ZNF76: variants seen among roughly 807,000 people sequenced by gnomAD.
ZNF76 encodes the protein zinc finger protein 76, also known as zinc finger protein 523.
Under a neutral mutation model 66.9 loss-of-function variants are expected in ZNF76, and 66 were observed. The observed-to-expected ratio is 0.99, with a 90% CI of 0.81 to 1.21. The LOEUF (loss-of-function observed/expected upper bound fraction) is 1.21. ZNF76 is among the 50% of genes most tolerant of loss of function. The probability of loss-of-function intolerance (pLI) is 0.00; values close to 1 mark genes in which losing one functional copy is unlikely to be tolerated. For synonymous variants in ZNF76, 275 were observed against 296.1 expected (o/e 0.93, Z 0.73); for missense variants, 729 against 760.3 (o/e 0.96, Z 0.48).
intron 1 of ZNF76, among the ~76,000 whole-genome samples, chr6:35,262,056 G>T (rs985543709): frequency 2.6e-5 from 4 of 152,148 alleles, no homozygotes; most frequent in East Asian, 1.9e-4. Flanking sequence ...AAGACCTAAA[G>T]AAATGATTAA....
chr6:35,282,597 G>A (rs1323872843), intron 2 of ZNF76, among the ~76,000 whole-genome samples: 1 of 152,110 alleles, frequency 6.6e-6, no homozygotes, highest in Non-Finnish European at 1.5e-5. Flanking sequence ...CTTGAACAAG[G>A]CAAATACTGC....
intron 2 of ZNF76, among the ~76,000 whole-genome samples, chr6:35,283,547 C>T (rs1789094747): frequency 6.6e-6 from 1 of 152,224 alleles, no homozygotes; most frequent in Non-Finnish European, 1.5e-5. Flanking sequence ...GGCGTATGGT[C>T]ACCTCTCTGT....
chr6:35,295,025 G>C (rs959676056), intron 13 of ZNF76, 119 bp from the exon 14 acceptor site: 8 of 690,104 alleles, frequency 1.2e-5, no homozygotes, highest in Non-Finnish European at 1.5e-5. Context: ...AGTGCTCAGC[G>C]TGTGGCACTG....
intron 1 of ZNF76, among the ~76,000 whole-genome samples, chr6:35,264,651 C>A (rs1308097116): frequency 6.6e-6 from 1 of 152,148 alleles, no homozygotes; most frequent in Non-Finnish European, 1.5e-5. Flanking sequence ...TTGGAAAACA[C>A]CTCAGAGCAA....
chr6:35,266,047 A>G (rs981821276), intron 1 of ZNF76, among the ~76,000 whole-genome samples: 4 of 152,202 alleles, frequency 2.6e-5, no homozygotes, highest in Admixed American at 2.6e-4. Context: ...AGGTGAAGCA[A>G]TGGAAAGGTG....
chr6:35,265,968 G>A (rs1001345674), intron 1 of ZNF76, among the ~76,000 whole-genome samples: 1 of 152,136 alleles, frequency 6.6e-6, no homozygotes, highest in Non-Finnish European at 1.5e-5. Context: ...GGGCAAAAAT[G>A]GAAGGAGAGA....
Position 35,287,730 on chromosome 6 carries a change from C to G in ZNF76, c.317C>G (p.Ser106Trp), listed in dbSNP as rs751726234. 3 of 1,614,170 alleles carry G rather than the reference C, an allele frequency of 1.9e-6. No individual in the cohort carries two copies. The highest frequency in any genetic ancestry group is 1.7e-6 in the Non-Finnish European group (2 of 1,180,030). Residue 106 changes from serine (S) to tryptophan (W), a missense_variant, in exon 5 of 14, where the codon TCG becomes TGG. By Grantham distance (177) the Ser-to-Trp change is radical (BLOSUM62 -3). Coordinates refer to ENST00000373953, the MANE Select transcript of ZNF76 (RefSeq NM_003427.5). The surrounding 1 kb of genome is among the most constrained non-coding windows in gnomAD (Gnocchi z 4.0). Reference sequence around the variant, plus strand: ...ATTCACCACCCTGTGGCTGTGCCATCGGAGAGCACCATCCTGGCCGTACAG... The same window carrying G: ...ATTCACCACCCTGTGGCTGTGCCATGGGAGAGCACCATCCTGGCCGTACAG... ...AYIHHPVAVPSESTILAVQTE... is the reference protein window; with the variant it reads ...AYIHHPVAVPWESTILAVQTE...
intron 13 of ZNF76, 134 bp downstream of exon 13, chr6:35,294,703 T>C: frequency 1.4e-6 from 1 of 722,486 alleles, no homozygotes; most frequent in Middle Eastern, 2.7e-4. Flanking sequence ...ACAGATCCCT[T>C]TCCTCCTGCA....
intron 1 of ZNF76, among the ~76,000 whole-genome samples, chr6:35,280,771 G>A (rs910827277): frequency 3.3e-5 from 5 of 152,198 alleles, no homozygotes; most frequent in African/African-American, 1.2e-4. Context: ...CCTGCCTTCA[G>A]CAGGGCTCCT....
chr6:35,278,970 C>T (rs1788338692), intron 1 of ZNF76, among the ~76,000 whole-genome samples: 1 of 152,152 alleles, frequency 6.6e-6, no homozygotes, highest in African/African-American at 2.4e-5. Flanking sequence ...GTGATGAGTA[C>T]TGAAGTAGGT....
chr6:35,267,014 T>C (rs1049194152), intron 1 of ZNF76, among the ~76,000 whole-genome samples: 7 of 151,942 alleles, frequency 4.6e-5, no homozygotes, highest in Non-Finnish European at 7.4e-5. Context: ...TTAACCAGGA[T>C]GGTCTCTATC....
intron 11 of ZNF76, 86 bp downstream of exon 11, chr6:35,293,130 G>T: frequency 6.8e-7 from 1 of 1,471,374 alleles, no homozygotes; most frequent in Non-Finnish European, 9.2e-7. Context: ...AGTTCTGACA[G>T]CCCCACTGCC....
At position 35,292,575 on chromosome 6, in the gene ZNF76, C is replaced by T. The variant is rs141883824; in HGVS notation, c.953C>T (p.Thr318Met). Residue 318 changes from threonine to methionine, a missense_variant, in exon 10 of 14, where the codon ACG (threonine) becomes ATG (methionine). Thr to Met is a moderately conservative substitution (Grantham distance 81). Coordinates refer to ENST00000373953, the MANE Select transcript of ZNF76 (RefSeq NM_003427.5). The surrounding 1 kb of genome is among the most constrained non-coding windows in gnomAD (Gnocchi z 4.7). ...CCAGGGGAGAAGCCATACGTTTGCA[C>T]GGTGCCAGGCTGCGGGAAACGCTTC... ...IHTGEKPYVC[T>M]VPGCGKRFTE... The T allele has an allele frequency of 4.4e-4, 717 of 1,613,382 alleles. 1 individual carries two copies. The highest frequency in any genetic ancestry group is 5.5e-4 in the Non-Finnish European group (653 of 1,180,006).
Position 35,293,735 on chromosome 6 carries a change from C to T in ZNF76, c.1330-16C>T, listed in dbSNP as rs770075227. 6.2e-7 allele frequency: 1 copy of T among 1,612,248 alleles called. No individual in the cohort carries two copies. Among genetic ancestry groups the T allele is most frequent in the African/African-American group, 1.3e-5 (1 of 74,894 alleles). Reference sequence around the variant, plus strand: ...TCCACTGACACTGCCAGCTCATCTTCCCCTCCTGTTGGCAGGTCAGCCTGT... The same window carrying T: ...TCCACTGACACTGCCAGCTCATCTTTCCCTCCTGTTGGCAGGTCAGCCTGT... On this transcript the variant is annotated splice_polypyrimidine_tract_variant and intron_variant, in intron 11 of 13. Coordinates refer to ENST00000373953, the MANE Select transcript of ZNF76 (RefSeq NM_003427.5).
Position 35,290,723 on chromosome 6 carries a change from T to C in ZNF76, c.625+7T>C. 6.2e-7 allele frequency: 1 copy of C among 1,614,136 alleles called. No individual in the cohort carries two copies. The highest frequency in any genetic ancestry group is 8.5e-7 in the Non-Finnish European group (1 of 1,179,938). The stretch of plus-strand genomic sequence containing the variant: ...GGAAAGGCCTTTGCCACAGGTAACC[T>C]GCCTGGTGGGCTGCTTCCAGTTGAG... On this transcript the variant is annotated splice_region_variant and intron_variant, in intron 7 of 13. Coordinates refer to ENST00000373953, the MANE Select transcript of ZNF76 (RefSeq NM_003427.5).
chr6:35,270,109 G>A (rs530305325), intron 1 of ZNF76, among the ~76,000 whole-genome samples: 122 of 152,140 alleles, frequency 8.0e-4, no homozygotes, highest in African/African-American at 2.7e-3. Context: ...TTTATGTTGC[G>A]TAGGTAACAC....
rs760624974 is a variant in ZNF76, at chr6:35,287,805, G to C, written c.392G>C (p.Ser131Thr). The C allele has an allele frequency of 8.1e-6, 13 of 1,611,058 alleles. No homozygotes were observed. The African/African-American group carries it at 1.2e-4, about 15-fold the overall frequency. The change falls in exon 5 of 14, where the codon AGT (serine) becomes ACT (threonine). Residue 131 changes from serine (S) to threonine (T), a missense_variant. Transcript: ENST00000373953. This position sits in a 1 kb window ranked among gnomAD's most constrained non-coding sequence, Gnocchi z 4.0. ...DLAAEDDEGF[S>T]ADAVVALEQY... The stretch of plus-strand genomic sequence containing the variant: ...GCAGCAGAGGATGATGAGGGCTTCA[G>C]TGCAGACGCAGTGGTGGCCCTGGAG...
chr6:35,290,517 C>T, intron 6 of ZNF76, 124 bp from the exon 7 acceptor site: 1 of 1,516,836 alleles, frequency 6.6e-7, no homozygotes, highest in Admixed American at 1.8e-5. Flanking sequence ...ACAGGAATGC[C>T]AGCACAGAGC....
intron 1 of ZNF76, among the ~76,000 whole-genome samples, chr6:35,274,644 G>C (rs1013832257): frequency 5.3e-5 from 8 of 152,190 alleles, no homozygotes; most frequent in African/African-American, 1.9e-4. Context: ...AGGATCGCTT[G>C]AGCCCAGGAG....
Sources: allele counts gnomAD v4.1 joint callset (sites outside exome capture counted in the v4.1 genomes callset), GRCh38; gene constraint gnomAD v4.1.1; non-coding constraint Gnocchi (gnomAD v3.1); transcripts MANE v1.5; gene names NCBI Gene and HGNC (gene_info 2026-07-23, HGNC 2026-07-21).